MAP3K14: variants seen among roughly 807,000 people sequenced by gnomAD.
The protein encoded by MAP3K14 is mitogen-activated protein kinase kinase kinase 14.
MAP3K14 carries 16 observed loss-of-function variants against 99.2 expected under a neutral mutation model. The ratio of observed to expected loss-of-function variants is 0.16; its 90% CI spans 0.11 to 0.24. The LOEUF is 0.24. Ranked by LOEUF, MAP3K14 falls within the 10% of genes least tolerant of loss-of-function variation. The pLI, the probability that MAP3K14 is intolerant of heterozygous loss-of-function variation, is 1.00. For synonymous variants in MAP3K14, 462 were observed against 492.4 expected (o/e 0.94, Z 0.82); for missense variants, 784 against 1,208.7 (o/e 0.65, Z 5.21).
chr17:45,284,696 T>C (rs2044249966), intron 6 of MAP3K14, 116 bp downstream of exon 6: 1 of 1,351,830 alleles, frequency 7.4e-7, no homozygotes, highest in Non-Finnish European at 9.8e-7. Flanking sequence ...AGCCAAGTTC[T>C]GTTCACAAGT....
At chr17:45,275,536 C>A (rs543503562) in intron 6 of MAP3K14, among the ~76,000 whole-genome samples, 92 of 151,308 alleles carry the variant, frequency 6.1e-4, no homozygotes, top group African/African-American at 1.5e-3. Context: ...AAACAAAAAA[C>A]CCCCTACATT....
intron 1 of MAP3K14, among the ~76,000 whole-genome samples, chr17:45,299,481 G>T (rs1173598510): frequency 6.6e-6 from 1 of 152,154 alleles, no homozygotes; most frequent in African/African-American, 2.4e-5. Flanking sequence ...CAAGTGACAG[G>T]CTTCTGAAAG....
intron 1 of MAP3K14, among the ~76,000 whole-genome samples, chr17:45,303,524 G>A (rs1303685239): frequency 1.3e-5 from 2 of 152,116 alleles, no homozygotes; most frequent in African/African-American, 4.8e-5. Context: ...TTGCACCACT[G>A]CACCCCAGCT....
intron 6 of MAP3K14, among the ~76,000 whole-genome samples, chr17:45,282,414 G>A (rs1468714320): frequency 6.6e-6 from 1 of 151,962 alleles, no homozygotes; most frequent in Non-Finnish European, 1.5e-5. Context: ...AATTAGCTGG[G>A]TGTGGTGGTG....
Position 45,290,654 on chromosome 17 carries a change from G to A in MAP3K14, c.92C>T (p.Pro31Leu), listed in dbSNP as rs367624369. ...ELPKAKEKTP[P>L]LGKKQSSVYK... ...GACGGAGCTCTGTTTCTTCCCCAGT[G>A]GCGGCGTCTTCTCCTTGGCTTTGGG... The change falls in exon 2 of 16, where the codon CCA (proline) becomes CTA (leucine). Residue 31 changes from proline to leucine, a missense_variant. Around this residue, in one of 5 missense-constraint regions of MAP3K14, gnomAD observed 188 missense variants for 313.0 expected, o/e 0.60. Transcript: ENST00000344686. 8 of 1,613,446 alleles carry A rather than the reference G, an allele frequency of 5.0e-6. No homozygotes were observed. In the African/African-American group the frequency reaches 8.0e-5, roughly 16 times the overall value.
chr17:45,300,405 A>C (rs1468066352), intron 1 of MAP3K14, among the ~76,000 whole-genome samples: 1 of 152,192 alleles, frequency 6.6e-6, no homozygotes, highest in African/African-American at 2.4e-5. Context: ...CTGGCTCTGC[A>C]CTGCTTATGG....
Position 45,267,924 on chromosome 17 carries a change from T to C in MAP3K14, c.1973-165A>G, listed in dbSNP as rs929577783. 3.4e-6 allele frequency: 2 copies of C among 592,346 alleles called. No individual in the cohort carries two copies. The highest frequency in any genetic ancestry group is 3.8e-5 in the African/African-American group (2 of 51,968). 36.7% of individuals were successfully genotyped at this position (592,346 alleles called of 1,614,324 possible). A position where few individuals can be genotyped will look rare whatever the true frequency, so the allele number is the denominator to read the frequency against. The stretch of plus-strand genomic sequence containing the variant: ...GGCTCCAGAGGGCAGCATGGTGGTC[T>C]CCACAGGAGACTTCCTCAATAAAAT... On this transcript the variant is annotated intron_variant, in intron 11 of 15. Transcript: ENST00000344686. The surrounding 1 kb of genome is among the most constrained non-coding windows in gnomAD (Gnocchi z 5.1).
At chr17:45,284,978 T>G (rs1481098436) in intron 5 of MAP3K14, 29 bp from the exon 6 acceptor site, 7 of 1,549,102 alleles carry the variant, frequency 4.5e-6, no homozygotes, top group Non-Finnish European at 5.2e-6. Context: ...AGAGGACAGT[T>G]TCAGTGGCCA....
chr17:45,274,324 C>G, intron 7 of MAP3K14, 70 bp from the exon 8 acceptor site: 2 of 1,573,680 alleles, frequency 1.3e-6, no homozygotes, highest in Non-Finnish European at 1.7e-6. Flanking sequence ...GGCAAGAGCA[C>G]AGGGCAGGCA....
In MAP3K14 at chr17:45,286,214, CAGG is replaced by C. The variant is rs982159961; in HGVS notation, c.1152+214_1152+216del. ...TAATGCAGTGCCCACATTCAGCAAG[CAGG>C]AGGTGACCAACCAGAAGAACTCAGA... On this transcript the variant is annotated intron_variant, in intron 5 of 15. Transcript: ENST00000344686. This position sits in a 1 kb window ranked among gnomAD's most constrained non-coding sequence, Gnocchi z 4.1. Among the ~76,000 whole-genome samples the C allele has an allele frequency of 2.6e-5, 4 of 152,058 alleles. No individual in the cohort carries two copies. The highest frequency in any genetic ancestry group is 6.5e-5 in the Admixed American group (1 of 15,282).
chr17:45,283,721 A>G (rs1410948035), intron 6 of MAP3K14, among the ~76,000 whole-genome samples: 1 of 152,152 alleles, frequency 6.6e-6, no homozygotes, highest in African/African-American at 2.4e-5. Flanking sequence ...CGGATGCTCT[A>G]CCTGTATTTG....
intron 1 of MAP3K14, among the ~76,000 whole-genome samples, chr17:45,304,401 G>C (rs1172693659): frequency 6.6e-6 from 1 of 151,962 alleles, no homozygotes; most frequent in African/African-American, 2.4e-5. Context: ...TCACTTATAC[G>C]TAATAATGGA....
intron 1 of MAP3K14, among the ~76,000 whole-genome samples, chr17:45,316,354 G>A (rs192787072): frequency 1.3e-5 from 2 of 152,204 alleles, no homozygotes; most frequent in African/African-American, 4.8e-5. Flanking sequence ...TATTTGAACC[G>A]ACAGATAAAG....
At chr17:45,311,532 G>A (rs908420525) in intron 1 of MAP3K14, among the ~76,000 whole-genome samples, 4 of 152,188 alleles carry the variant, frequency 2.6e-5, no homozygotes, top group South Asian at 2.1e-4. Flanking sequence ...CAGAAAGAGC[G>A]TCAGGAGAAG....
intron 1 of MAP3K14, among the ~76,000 whole-genome samples, chr17:45,305,136 C>T (rs947937700): frequency 6.6e-6 from 1 of 152,110 alleles, no homozygotes; most frequent in East Asian, 1.9e-4. Flanking sequence ...CTTGCTCTGT[C>T]GCCCAGGCTG....
At position 45,273,490 on chromosome 17, in the gene MAP3K14, T is replaced by G. The variant is rs1005626366; in HGVS notation, c.1657+13A>C. Reference sequence around the variant, plus strand: ...ATGCATTGGGGGGCACGGCAGTTGGTGGGGGGCCTTACCTGTGAGCAAGGA... The same window carrying G: ...ATGCATTGGGGGGCACGGCAGTTGGGGGGGGGCCTTACCTGTGAGCAAGGA... On this transcript the variant is annotated intron_variant, in intron 9 of 15. Transcript: ENST00000344686. 5.9e-6 allele frequency: 9 copies of G among 1,515,986 alleles called. No homozygotes were observed. The African/African-American group carries it at 9.7e-5, about 16-fold the overall frequency. The allele number at this position is 1,515,986 out of a possible 1,614,324, so 93.9% of individuals were successfully genotyped here. A position where few individuals can be genotyped will look rare whatever the true frequency, so the allele number is the denominator to read the frequency against.
intron 1 of MAP3K14, among the ~76,000 whole-genome samples, chr17:45,316,664 G>A (rs563638045): frequency 7.9e-5 from 12 of 152,284 alleles, no homozygotes; most frequent in South Asian, 2.1e-4. Flanking sequence ...CGGGGCACTA[G>A]TGAAGGGGAA....
Position 45,286,965 on chromosome 17 carries a change from C to A in MAP3K14, c.618G>T (p.Gly206=), listed in dbSNP as rs2044271336. The A allele has an allele frequency of 6.2e-7, 1 of 1,613,934 alleles. No homozygotes were observed. Among genetic ancestry groups the A allele is most frequent in the South Asian group, 1.1e-5 (1 of 91,096 alleles). The change falls in exon 5 of 16, where the codon GGG becomes GGT. Residue 206 remains glycine (G), a synonymous_variant. Transcript: ENST00000344686. This position sits in a 1 kb window ranked among gnomAD's most constrained non-coding sequence, Gnocchi z 4.1. ...FTKPLKEPGL[G]QLCFKQLGEG... is the part of the protein sequence containing the mutation. The stretch of plus-strand genomic sequence containing the variant: ...CGCCAAGCTGCTTAAAACAGAGTTG[C>A]CCAAGGCCTGGTTCCTTCAGAGGCT...
intron 1 of MAP3K14, among the ~76,000 whole-genome samples, chr17:45,303,861 C>A (rs917690188): frequency 6.6e-6 from 1 of 150,910 alleles, no homozygotes; most frequent in Non-Finnish European, 1.5e-5. Context: ...GGATTACAGG[C>A]GTGAGCCACC....
Sources: gnomAD v4.1 joint callset for allele counts (sites outside exome capture counted in the v4.1 genomes callset) on GRCh38, gnomAD v4.1.1 for gene constraint, gnomAD v4.1.1 regional missense constraint, Gnocchi (gnomAD v3.1) non-coding constraint, MANE v1.5 for transcripts, NCBI Gene and HGNC (gene_info 2026-07-23, HGNC 2026-07-21) for gene names.